The following TGFB2 variants were observed in gnomAD, a reference collection of about 807,000 sequenced individuals.
The protein encoded by TGFB2 is transforming growth factor beta-2 proprotein.
A neutral mutation model predicts 42.7 loss-of-function variants in TGFB2; 13 were observed. The observed-to-expected ratio is 0.30, with a 90% CI of 0.20 to 0.48. TGFB2 has a LOEUF of 0.48. Among genes scored for constraint, TGFB2 ranks in the 20% least tolerant of loss-of-function variants. The probability of loss-of-function intolerance (pLI) is 0.99; values close to 1 mark genes in which losing one functional copy is unlikely to be tolerated. For synonymous variants in TGFB2, 193 were observed against 193.6 expected (o/e 1.00, Z 0.03); for missense variants, 390 against 517.5 (o/e 0.75, Z 2.39).
chr1:218,387,882 C>G (rs1658188775), intron 1 of TGFB2, among the ~76,000 whole-genome samples: 1 of 152,164 alleles, frequency 6.6e-6, no homozygotes, highest in Admixed American at 6.5e-5. Context: ...ATTCTGGGAT[C>G]CTTCTCTGAG....
intron 1 of TGFB2, among the ~76,000 whole-genome samples, chr1:218,389,294 A>G (rs893788958): frequency 2.0e-5 from 3 of 152,172 alleles, no homozygotes; most frequent in African/African-American, 7.2e-5. Flanking sequence ...TTGAACACCT[A>G]TTGTGTACTA....
chr1:218,434,029 C>T, intron 2 of TGFB2, 53 bp from the exon 3 acceptor site: 1 of 1,605,604 alleles, frequency 6.2e-7, no homozygotes, highest in South Asian at 1.1e-5. Context: ...TTGGTTTAGT[C>T]ATGCTGTCAG....
chr1:218,358,589 C>T (rs1056301241), intron 1 of TGFB2, among the ~76,000 whole-genome samples: 30 of 147,308 alleles, frequency 2.0e-4, no homozygotes, highest in African/African-American at 7.7e-4. Context: ...CGCTCCGTCA[C>T]CTAGGCTGGA....
chr1:218,389,397 G>A (rs997373341), intron 1 of TGFB2, among the ~76,000 whole-genome samples: 1 of 152,022 alleles, frequency 6.6e-6, no homozygotes, highest in Admixed American at 6.6e-5. Flanking sequence ...AGGCACCCTC[G>A]CCCGATAGAG....
intron 1 of TGFB2, among the ~76,000 whole-genome samples, chr1:218,376,491 AG>A (rs1240930563): frequency 2.0e-5 from 3 of 152,238 alleles, no homozygotes; most frequent in Admixed American, 6.5e-5. Flanking sequence ...TGAGATAGGT[AG>A]GGATGAGTCC....
chr1:218,406,950 G>A (rs1316528479), intron 2 of TGFB2, among the ~76,000 whole-genome samples: 2 of 152,264 alleles, frequency 1.3e-5, no homozygotes, highest in African/African-American at 4.8e-5. Flanking sequence ...TGCAGAAACC[G>A]CTAGTTTTTC....
At chr1:218,437,974 C>T (rs1421129938) in intron 6 of TGFB2, among the ~76,000 whole-genome samples, 3 of 152,120 alleles carry the variant, frequency 2.0e-5, no homozygotes, top group African/African-American at 7.2e-5. Flanking sequence ...ATCATTTCCT[C>T]ATTTGGGGAA....
chr1:218,423,462 G>A (rs1401451284), intron 2 of TGFB2, among the ~76,000 whole-genome samples: 1 of 152,140 alleles, frequency 6.6e-6, no homozygotes, highest in Non-Finnish European at 1.5e-5. Context: ...AAGTAAGCAT[G>A]TCATTGAAAA....
intron 1 of TGFB2, among the ~76,000 whole-genome samples, chr1:218,381,512 C>T (rs564269361): frequency 7.3e-5 from 11 of 151,192 alleles, no homozygotes; most frequent in African/African-American, 2.7e-4. Flanking sequence ...CCTCGGCCTC[C>T]CAAAGTGCTG....
At chr1:218,379,114 T>TTTTC (rs376666968) in intron 1 of TGFB2, among the ~76,000 whole-genome samples, 1 of 130,810 alleles carries the variant, frequency 7.6e-6, no homozygotes, top group South Asian at 2.4e-4. Context: ...ACATGGTACA[T>TTTTC]TTTCTTTCTT....
At chr1:218,380,586 A>G (rs891345884) in intron 1 of TGFB2, among the ~76,000 whole-genome samples, 8 of 152,110 alleles carry the variant, frequency 5.3e-5, no homozygotes, top group Admixed American at 5.2e-4. Flanking sequence ...TGCAGAGTAT[A>G]TGTGTCCGGG....
At chr1:218,432,764 A>G (rs967648534) in intron 2 of TGFB2, among the ~76,000 whole-genome samples, 1 of 152,200 alleles carries the variant, frequency 6.6e-6, no homozygotes. Flanking sequence ...AATTTGCTGG[A>G]GAGACCAAGC....
chr1:218,410,231 G>A (rs1039999736), intron 2 of TGFB2, among the ~76,000 whole-genome samples: 10 of 152,194 alleles, frequency 6.6e-5, no homozygotes, highest in African/African-American at 1.7e-4. Context: ...TCTTTTTAGA[G>A]TCACAATATG....
intron 2 of TGFB2, among the ~76,000 whole-genome samples, chr1:218,431,795 T>A (rs1393077713): frequency 6.6e-6 from 1 of 152,216 alleles, no homozygotes; most frequent in Non-Finnish European, 1.5e-5. Context: ...TCTCAACCAT[T>A]GTTTTTCTTA....
chr1:218,378,209 C>T (rs990113142), intron 1 of TGFB2, among the ~76,000 whole-genome samples: 5 of 151,752 alleles, frequency 3.3e-5, no homozygotes, highest in Non-Finnish European at 5.9e-5. Context: ...CTTGCTCTGT[C>T]GCACCAGGCA....
At chr1:218,381,650 A>G (rs931688738) in intron 1 of TGFB2, among the ~76,000 whole-genome samples, 2 of 152,212 alleles carry the variant, frequency 1.3e-5, no homozygotes, top group Non-Finnish European at 2.9e-5. Flanking sequence ...TGACGTCTTC[A>G]TTAGGCACCA....
rs186390101 is a variant in TGFB2 at position 218,379,429 on chromosome 1, C to T, written c.347-25740C>T. On this transcript the variant is annotated intron_variant, in intron 1 of 6. Transcript: ENST00000366930. ...GATTACAGGCGTGAGCCACCGTGCC[C>T]GGCCAGTACCTTTTCTTTATTTTTT... 7.3e-4 allele frequency among the ~76,000 whole-genome samples: 111 copies of T among 151,550 alleles called. 1 individual carries two copies. In the East Asian group the frequency reaches 0.018, roughly 24 times the overall value.
intron 1 of TGFB2, among the ~76,000 whole-genome samples, chr1:218,358,895 A>G (rs1657123191): frequency 1.3e-5 from 2 of 152,130 alleles, no homozygotes; most frequent in African/African-American, 4.8e-5. Flanking sequence ...AGTGTGAATG[A>G]CTTATTCTGA....
chr1:218,436,056 C>T lies in TGFB2; in HGVS notation c.841C>T (p.Leu281Phe), dbSNP rs1310329224. ...AAAAAACAGTGGGAAGACCCCACAT[C>T]TCCTGCTAATGTTATTGCCCTCCTA... ...RKKNSGKTPH[L>F]LLMLLPSYRL... The change falls in exon 5 of 7, where the codon CTC becomes TTC. Residue 281 changes from leucine (L) to phenylalanine (F), a missense_variant. Leu to Phe is a conservative substitution (Grantham distance 22, BLOSUM62 0). Coordinates refer to ENST00000366930, the MANE Select transcript of TGFB2 (RefSeq NM_003238.6). The T allele has an allele frequency of 6.2e-7, 1 of 1,614,156 alleles. No individual in the cohort carries two copies. The highest frequency in any genetic ancestry group is 1.7e-5 in the Admixed American group (1 of 60,028).
Sources: gnomAD v4.1 joint callset for allele counts (sites outside exome capture counted in the v4.1 genomes callset) on GRCh38, gnomAD v4.1.1 for gene constraint, MANE v1.5 for transcripts, NCBI Gene and HGNC (gene_info 2026-07-23, HGNC 2026-07-21) for gene names.